Variants in ERBB4 observed in about 807,000 individuals in gnomAD.
ERBB4 encodes the protein erb-b2 receptor tyrosine kinase 4.
A neutral mutation model predicts 158.0 loss-of-function variants in ERBB4; 42 were observed. The ratio of observed to expected loss-of-function variants is 0.27; its 90% CI spans 0.21 to 0.34. ERBB4 has a LOEUF of 0.34. Among genes scored for constraint, ERBB4 ranks in the 10% least tolerant of loss-of-function variants. The probability of loss-of-function intolerance (pLI) is 1.00; values close to 1 mark genes in which losing one functional copy is unlikely to be tolerated. For synonymous variants in ERBB4, 583 were observed against 558.7 expected, an observed-to-expected ratio of 1.04 and a Z score of -0.61; for missense variants, 1,333 against 1,624.1, an observed-to-expected ratio of 0.82 and a Z score of 3.08.
intron 4 of ERBB4, among the ~76,000 whole-genome samples, chr2:211,783,590 T>G (rs1440580104): frequency 6.6e-6 from 1 of 152,220 alleles, no homozygotes; most frequent in Admixed American, 6.5e-5. Flanking sequence ...GCTGTTGAAT[T>G]TTGTCAAAGG....
At chr2:212,081,357 A>G (rs569271936) in intron 2 of ERBB4, among the ~76,000 whole-genome samples, 1 of 152,270 alleles carries the variant, frequency 6.6e-6, no homozygotes, top group South Asian at 2.1e-4. Context: ...ACATACAAAA[A>G]GGAGACAGTA....
At chr2:211,869,629 G>T (rs373218706) in intron 3 of ERBB4, among the ~76,000 whole-genome samples, 1 of 152,028 alleles carries the variant, frequency 6.6e-6, no homozygotes, top group Non-Finnish European at 1.5e-5. Flanking sequence ...AATGTTTATT[G>T]AACTAAGTTA....
chr2:211,946,568 T>G (rs1233168837), intron 3 of ERBB4, among the ~76,000 whole-genome samples: 6 of 141,138 alleles, frequency 4.3e-5, no homozygotes, highest in African/African-American at 1.5e-4. Flanking sequence ...TATTTACTAA[T>G]TAGCTCTCTT....
At chr2:212,157,900 T>TTCCC (rs1423162147) in intron 1 of ERBB4, among the ~76,000 whole-genome samples, 4 of 152,064 alleles carry the variant, frequency 2.6e-5, no homozygotes, top group Non-Finnish European at 5.9e-5. Context: ...AGCCTGCTCT[T>TTCCC]AACAGTCTTG....
rs141185766 is a variant in ERBB4 at position 212,024,104 on chromosome 2, G to A, written c.235-76488C>T. Among the ~76,000 whole-genome samples, 556 of 151,572 alleles carry A rather than the reference G, an allele frequency of 3.7e-3. 3 individuals carry two copies. Among genetic ancestry groups the A allele is most frequent in the Non-Finnish European group, 5.1e-3 (345 of 67,750 alleles). ...TTTTCTCTCAGGCAGACACAATCTC[G>A]ATACCCAGGGTATTTTAGGTGTGAG... On this transcript the variant is annotated intron_variant, in intron 2 of 27. Transcript: ENST00000342788.
intron 3 of ERBB4, among the ~76,000 whole-genome samples, chr2:211,877,456 T>G (rs2078534661): frequency 6.6e-6 from 1 of 152,246 alleles, no homozygotes; most frequent in Non-Finnish European, 1.5e-5. Flanking sequence ...TTACTTTATA[T>G]AAACACTGTT....
At chr2:212,412,602 C>T (rs1196903435) in intron 1 of ERBB4, among the ~76,000 whole-genome samples, 1 of 152,170 alleles carries the variant, frequency 6.6e-6, no homozygotes, top group Admixed American at 6.5e-5. Context: ...TTATAAATTT[C>T]CCAGTCTCAG....
intron 1 of ERBB4, among the ~76,000 whole-genome samples, chr2:212,214,177 T>G (rs9973372): frequency 0.56 from 84,259 of 151,574 alleles, 23,639 homozygotes; most frequent in East Asian, 0.77. Context: ...GAATAATTTT[T>G]TAAAGCTACT....
intron 2 of ERBB4, among the ~76,000 whole-genome samples, chr2:212,019,699 G>A (rs1209313204): frequency 7.0e-6 from 1 of 143,638 alleles, no homozygotes; most frequent in East Asian, 2.3e-4. Context: ...GGAGGTGGAG[G>A]TTGCAGTGAG....
chr2:212,233,263 A>C (rs113951385), intron 1 of ERBB4, among the ~76,000 whole-genome samples: 2 of 152,280 alleles, frequency 1.3e-5, no homozygotes, highest in African/African-American at 4.8e-5. Context: ...GAAATTCATA[A>C]ATCTTGAAAT....
rs1264110010 is a variant in ERBB4, at chr2:211,378,875, AT to A, written c.*4739del. The A allele has an allele frequency of 5.1e-6, 1 of 194,924 alleles. No individual in the cohort carries two copies. Among genetic ancestry groups the A allele is most frequent in the Non-Finnish European group, 9.5e-6 (1 of 105,472 alleles). 12.1% of individuals were successfully genotyped at this position (194,924 alleles called of 1,614,324 possible). A position where few individuals can be genotyped will look rare whatever the true frequency, so the allele number is the denominator to read the frequency against. On this transcript the variant is annotated 3_prime_UTR_variant, in exon 28 of 28. Coordinates refer to ENST00000342788, the MANE Select transcript of ERBB4 (RefSeq NM_005235.3). ...CCCACAGTATATACAGTAGAAGTTA[AT>A]TTATCTGTTTCTTTTTTTTTTTTTA... is the stretch of plus-strand genomic sequence containing the variant.
chr2:212,503,878 G>GA (rs72262983), intron 1 of ERBB4, among the ~76,000 whole-genome samples: 16 of 148,372 alleles, frequency 1.1e-4, no homozygotes, highest in Middle Eastern at 3.5e-3. Flanking sequence ...AACAAAAAGA[G>GA]AAAAAAAAAA....
chr2:211,522,725 C>G (rs2066221997), intron 20 of ERBB4, among the ~76,000 whole-genome samples: 1 of 152,112 alleles, frequency 6.6e-6, no homozygotes, highest in African/African-American at 2.4e-5. Flanking sequence ...CAGAAAGATT[C>G]TGACTCACTA....
At chr2:211,821,737 C>T (rs2076999583) in intron 3 of ERBB4, among the ~76,000 whole-genome samples, 1 of 151,752 alleles carries the variant, frequency 6.6e-6, no homozygotes, top group Non-Finnish European at 1.5e-5. Context: ...GACAAAGCTG[C>T]TAAAAATACA....
chr2:211,806,360 T>G (rs559664958), intron 3 of ERBB4, among the ~76,000 whole-genome samples: 1 of 152,266 alleles, frequency 6.6e-6, no homozygotes, highest in African/African-American at 2.4e-5. Context: ...CTTTTTAACT[T>G]AGAATTCTAA....
At chr2:211,674,251 C>T (rs1467911524) in intron 13 of ERBB4, among the ~76,000 whole-genome samples, 1 of 152,078 alleles carries the variant, frequency 6.6e-6, no homozygotes, top group Admixed American at 6.5e-5. Flanking sequence ...TGTGTTACTA[C>T]TCCACACCAA....
intron 1 of ERBB4, among the ~76,000 whole-genome samples, chr2:212,209,534 A>T (rs1321858230): frequency 6.6e-6 from 1 of 152,104 alleles, no homozygotes; most frequent in Non-Finnish European, 1.5e-5. Flanking sequence ...TTGAGAGAGT[A>T]TCTACTAGTA....
intron 22 of ERBB4, among the ~76,000 whole-genome samples, chr2:211,426,493 G>T (rs2125416978): frequency 6.6e-6 from 1 of 152,244 alleles, no homozygotes; most frequent in Non-Finnish European, 1.5e-5. Flanking sequence ...CCTGGGCTGT[G>T]TTTCAAAACA....
chr2:211,973,711 C>T (rs1476217262), intron 2 of ERBB4, among the ~76,000 whole-genome samples: 1 of 152,116 alleles, frequency 6.6e-6, no homozygotes, highest in African/African-American at 2.4e-5. Context: ...TACCATTCAA[C>T]CCAGCAATCC....
Sources: allele counts gnomAD v4.1 joint callset (sites outside exome capture counted in the v4.1 genomes callset), GRCh38; gene constraint gnomAD v4.1.1; transcripts MANE v1.5; gene names NCBI Gene and HGNC (gene_info 2026-07-23, HGNC 2026-07-21).